Variants in FSTL4 observed in about 807,000 individuals in gnomAD.
FSTL4 encodes the protein follistatin-related protein 4.
Under a neutral mutation model 78.2 loss-of-function variants are expected in FSTL4, and 28 were observed. That is an observed-to-expected ratio of 0.36 (90% CI 0.27 to 0.49). FSTL4 has a LOEUF of 0.49. Ranked by LOEUF, FSTL4 falls within the 20% of genes least tolerant of loss-of-function variation. The pLI is 0.98. For synonymous variants in FSTL4, 422 were observed against 440.5 expected, an observed-to-expected ratio of 0.96 and a Z score of 0.53; for missense variants, 922 against 1,084.9, an observed-to-expected ratio of 0.85 and a Z score of 2.11.
chr5:133,496,643 C>T (rs1048848985), intron 3 of FSTL4, among the ~76,000 whole-genome samples: 1 of 152,180 alleles, frequency 6.6e-6, no homozygotes, highest in Non-Finnish European at 1.5e-5. Flanking sequence ...TGATGAATGT[C>T]ATGGGAGGCT....
chr5:133,791,261 T>G, the FSTL4 span, among the ~76,000 whole-genome samples: 3 of 149,040 alleles, frequency 2.0e-5, no homozygotes, highest in Admixed American at 2.0e-4. Flanking sequence ...AATTGCAACC[T>G]GCATGCACAT....
chr5:133,833,299 G>A, the FSTL4 span, among the ~76,000 whole-genome samples: 2 of 152,310 alleles, frequency 1.3e-5, no homozygotes, highest in Non-Finnish European at 2.9e-5. Flanking sequence ...GATTTTCTAA[G>A]ATAACTAATG....
chr5:133,656,815 T>C, the FSTL4 span, among the ~76,000 whole-genome samples: 1 of 152,056 alleles, frequency 6.6e-6, no homozygotes, highest in Admixed American at 6.5e-5. Flanking sequence ...GGATGGAGAA[T>C]AGACTGCAGG....
chr5:133,359,113 T>C (rs1438232109), intron 4 of FSTL4, among the ~76,000 whole-genome samples: 9 of 152,196 alleles, frequency 5.9e-5, no homozygotes, highest in African/African-American at 2.2e-4. Context: ...TGTGTAACAA[T>C]GCATAGGATT....
intron 3 of FSTL4, among the ~76,000 whole-genome samples, chr5:133,502,459 G>C (rs1758519324): frequency 6.6e-6 from 1 of 152,160 alleles, no homozygotes; most frequent in Non-Finnish European, 1.5e-5. Context: ...ATATGGTTTG[G>C]ATCTGTGTCC....
the FSTL4 span, among the ~76,000 whole-genome samples, chr5:133,747,571 C>T: frequency 6.6e-6 from 1 of 152,094 alleles, no homozygotes; most frequent in South Asian, 2.1e-4. Context: ...CAACATGAGG[C>T]TCCCAAAGTC....
At chr5:133,535,313 T>C (rs1005271608) in intron 3 of FSTL4, among the ~76,000 whole-genome samples, 3 of 152,176 alleles carry the variant, frequency 2.0e-5, no homozygotes, top group African/African-American at 7.2e-5. Flanking sequence ...TCTGCAGCAA[T>C]GTAACATGTC....
In FSTL4 at chr5:133,466,281, G is replaced by A. The variant is rs1272418813; in HGVS notation, c.161-65295C>T. Among the ~76,000 whole-genome samples, 4 of 152,338 alleles carry A rather than the reference G, an allele frequency of 2.6e-5. No homozygotes were observed. The East Asian group carries it at 7.7e-4, about 29-fold the overall frequency. On this transcript the variant is annotated intron_variant, in intron 3 of 15. Coordinates refer to ENST00000265342, the MANE Select transcript of FSTL4 (RefSeq NM_015082.2). ...TTACCGGCCAGGTGCGGTGGCTCAA[G>A]CCTGTAATCCCAGCACTTTGGGAGG...
the FSTL4 span, among the ~76,000 whole-genome samples, chr5:133,700,027 C>T: frequency 3.3e-5 from 5 of 152,092 alleles, no homozygotes; most frequent in Admixed American, 2.0e-4. Flanking sequence ...CACATTTGCC[C>T]GCGGTCTTCA....
the FSTL4 span, among the ~76,000 whole-genome samples, chr5:133,647,790 A>G: frequency 2.6e-5 from 4 of 152,178 alleles, no homozygotes; most frequent in Non-Finnish European, 5.9e-5. Context: ...TGATGATCTG[A>G]TTACTCAAGT....
At chr5:133,679,810 C>A in the FSTL4 span, among the ~76,000 whole-genome samples, 1 of 152,044 alleles carries the variant, frequency 6.6e-6, no homozygotes, top group Non-Finnish European at 1.5e-5. Flanking sequence ...CAGGCCTACC[C>A]AGATCTCAGG....
rs560848551 is a variant in FSTL4 at position 133,292,259 on chromosome 5, A to G, written c.727+20395T>C. On this transcript the variant is annotated intron_variant, in intron 6 of 15. Coordinates refer to ENST00000265342, the MANE Select transcript of FSTL4 (RefSeq NM_015082.2). Reference sequence around the variant, plus strand: ...AGCCTTCTCTGACCCGTGGCTCCCAACCCTTCCTCCTGGGGCTGCACTAGC... The same window carrying G: ...AGCCTTCTCTGACCCGTGGCTCCCAGCCCTTCCTCCTGGGGCTGCACTAGC... Among the ~76,000 whole-genome samples the G allele has an allele frequency of 3.3e-5, 5 of 152,220 alleles. No individual in the cohort carries two copies. In the South Asian group the frequency reaches 1.0e-3, roughly 32 times the overall value.
chr5:133,794,854 A>G, the FSTL4 span, among the ~76,000 whole-genome samples: 2 of 152,096 alleles, frequency 1.3e-5, no homozygotes, highest in African/African-American at 4.8e-5. Context: ...GGGAAGATCC[A>G]TCACCAGCCA....
At chr5:133,264,331 C>G (rs1227584277) in intron 6 of FSTL4, among the ~76,000 whole-genome samples, 2 of 152,000 alleles carry the variant, frequency 1.3e-5, no homozygotes, top group Non-Finnish European at 2.9e-5. Flanking sequence ...CTGCCCTGCC[C>G]GAGGCAGGGG....
intron 3 of FSTL4, among the ~76,000 whole-genome samples, chr5:133,510,701 T>C (rs145838329): frequency 6.6e-6 from 1 of 152,086 alleles, no homozygotes; most frequent in East Asian, 1.9e-4. Context: ...GTAGTGTAAA[T>C]GTTACTGAGA....
At chr5:133,231,059 C>T (rs1009740917) in intron 8 of FSTL4, among the ~76,000 whole-genome samples, 2 of 152,088 alleles carry the variant, frequency 1.3e-5, no homozygotes, top group African/African-American at 4.8e-5. Context: ...CACCCACCTC[C>T]TACCTAGACA....
At chr5:133,595,720 G>A (rs541127845) in intron 2 of FSTL4, among the ~76,000 whole-genome samples, 1 of 152,346 alleles carries the variant, frequency 6.6e-6, no homozygotes, top group East Asian at 1.9e-4. Context: ...GTTGTGTTCT[G>A]TGGAGGCAAT....
At chr5:133,504,718 T>A (rs937807370) in intron 3 of FSTL4, among the ~76,000 whole-genome samples, 1 of 152,192 alleles carries the variant, frequency 6.6e-6, no homozygotes, top group African/African-American at 2.4e-5. Flanking sequence ...TATCCTGGGC[T>A]CTCTTTTTCT....
chr5:133,315,945 A>C (rs1462275860), intron 5 of FSTL4, among the ~76,000 whole-genome samples: 3 of 152,150 alleles, frequency 2.0e-5, no homozygotes, highest in Non-Finnish European at 4.4e-5. Context: ...CAGGGGAGGG[A>C]GGCAAACCTC....
Sources: allele counts gnomAD v4.1 joint callset (sites outside exome capture counted in the v4.1 genomes callset), GRCh38; gene constraint gnomAD v4.1.1; transcripts MANE v1.5; gene names NCBI Gene and HGNC (gene_info 2026-07-23, HGNC 2026-07-21).